Variants in LINGO2 observed in about 807,000 individuals in gnomAD.
The protein encoded by LINGO2 is leucine-rich repeat and immunoglobulin-like domain-containing nogo receptor-interacting protein 2.
Under a neutral mutation model 30.6 loss-of-function variants are expected in LINGO2, and 14 were observed. That is an observed-to-expected ratio of 0.46 (90% CI 0.30 to 0.72). LINGO2 has a LOEUF of 0.72. Among genes scored for constraint, LINGO2 ranks in the 30% least tolerant of loss-of-function variants. The probability of loss-of-function intolerance (pLI) is 0.07; values close to 1 mark genes in which losing one functional copy is unlikely to be tolerated. For synonymous variants in LINGO2, 317 were observed against 288.5 expected, an observed-to-expected ratio of 1.10 and a Z score of -1.00; for missense variants, 729 against 751.7, an observed-to-expected ratio of 0.97 and a Z score of 0.35.
At chr9:29,159,150 T>A in the LINGO2 span, among the ~76,000 whole-genome samples, 1 of 152,020 alleles carries the variant, frequency 6.6e-6, no homozygotes, top group Non-Finnish European at 1.5e-5. Flanking sequence ...GAAGATGGAG[T>A]TATCTGAGCT....
chr9:28,479,018 T>C (rs932750869), intron 1 of LINGO2, among the ~76,000 whole-genome samples: 3 of 152,076 alleles, frequency 2.0e-5, no homozygotes, highest in Non-Finnish European at 4.4e-5. Flanking sequence ...TGTGTGTTTA[T>C]ATACTTTTAT....
At chr9:29,082,022 C>A in the LINGO2 span, among the ~76,000 whole-genome samples, 1 of 152,190 alleles carries the variant, frequency 6.6e-6, no homozygotes, top group South Asian at 2.1e-4. Context: ...TTTACAGATT[C>A]AATGCCATCC....
chr9:28,246,674 A>G (rs1056436092), intron 4 of LINGO2, among the ~76,000 whole-genome samples: 2 of 152,280 alleles, frequency 1.3e-5, no homozygotes, highest in African/African-American at 4.8e-5. Flanking sequence ...AGGCAATACC[A>G]TTCAGGACAT....
chr9:28,909,103 T>C, the LINGO2 span, among the ~76,000 whole-genome samples: 1 of 151,988 alleles, frequency 6.6e-6, no homozygotes, highest in African/African-American at 2.4e-5. Flanking sequence ...TCTCAAAGCA[T>C]GTCTTTATGA....
chr9:28,973,453 G>A, the LINGO2 span, among the ~76,000 whole-genome samples: 2 of 152,144 alleles, frequency 1.3e-5, no homozygotes, highest in East Asian at 1.9e-4. Flanking sequence ...ACAGGGCCAG[G>A]TGGAGATAAT....
At chr9:28,467,040 G>GT (rs1414145156) in intron 2 of LINGO2, among the ~76,000 whole-genome samples, 10 of 150,420 alleles carry the variant, frequency 6.6e-5, no homozygotes, top group Admixed American at 4.0e-4. Flanking sequence ...TTTTTTGGGG[G>GT]GGGGGGACGG....
At chr9:28,721,003 T>C in the LINGO2 span, among the ~76,000 whole-genome samples, 2 of 151,910 alleles carry the variant, frequency 1.3e-5, no homozygotes, top group African/African-American at 4.8e-5. Context: ...CTATTTCCTG[T>C]TAAGATGGAT....
At chr9:28,877,099 TG>T in the LINGO2 span, among the ~76,000 whole-genome samples, 1 of 140,180 alleles carries the variant, frequency 7.1e-6, no homozygotes, top group African/African-American at 3.2e-5. Flanking sequence ...GATGGGGTTG[TG>T]TTTTTTTTTT....
At chr9:28,000,157 T>G (rs1447381504) in intron 5 of LINGO2, among the ~76,000 whole-genome samples, 1 of 152,096 alleles carries the variant, frequency 6.6e-6, no homozygotes, top group Non-Finnish European at 1.5e-5. Context: ...CCGAAGAAGC[T>G]CTATGGAGGG....
chr9:28,087,489 T>G (rs1289469151), intron 4 of LINGO2, among the ~76,000 whole-genome samples: 1 of 152,022 alleles, frequency 6.6e-6, no homozygotes, highest in African/African-American at 2.4e-5. Flanking sequence ...AGAAAATTAT[T>G]TTTCTTTTGA....
chr9:28,402,144 G>A (rs1043720700), intron 2 of LINGO2, among the ~76,000 whole-genome samples: 2 of 152,194 alleles, frequency 1.3e-5, no homozygotes, highest in Non-Finnish European at 2.9e-5. Flanking sequence ...TTAATGTCAT[G>A]CAGCCTGGGA....
At chr9:28,221,731 TG>T (rs1820974065) in intron 4 of LINGO2, among the ~76,000 whole-genome samples, 1 of 152,238 alleles carries the variant, frequency 6.6e-6, no homozygotes, top group Non-Finnish European at 1.5e-5. Context: ...AGAAATGCTC[TG>T]AGTAGATCCC....
At chr9:27,951,769 A>C (rs914243282) in intron 5 of LINGO2, among the ~76,000 whole-genome samples, 1 of 152,206 alleles carries the variant, frequency 6.6e-6, no homozygotes, top group African/African-American at 2.4e-5. Context: ...ATACTTTTAG[A>C]TAAAGAAGTA....
At chr9:28,843,768 A>G in the LINGO2 span, among the ~76,000 whole-genome samples, 1 of 151,752 alleles carries the variant, frequency 6.6e-6, no homozygotes, top group Non-Finnish European at 1.5e-5. Flanking sequence ...TATTCAACCT[A>G]TTAAGTAGGA....
At chr9:28,163,127 A>G (rs929400154) in intron 4 of LINGO2, among the ~76,000 whole-genome samples, 1 of 152,192 alleles carries the variant, frequency 6.6e-6, no homozygotes, top group African/African-American at 2.4e-5. Context: ...AAACAACTCC[A>G]GCAGGAGTGT....
intron 4 of LINGO2, among the ~76,000 whole-genome samples, chr9:28,217,151 T>C (rs1820796273): frequency 6.6e-6 from 1 of 150,484 alleles, no homozygotes; most frequent in South Asian, 2.1e-4. Flanking sequence ...ATACTACATA[T>C]TATATACTGT....
intron 2 of LINGO2, among the ~76,000 whole-genome samples, chr9:28,468,302 T>C (rs1825390458): frequency 6.6e-6 from 1 of 152,178 alleles, no homozygotes; most frequent in African/African-American, 2.4e-5. Flanking sequence ...AAGAGCGAAG[T>C]AGATCATATT....
At chr9:28,088,772 C>T (rs1370729242) in intron 4 of LINGO2, among the ~76,000 whole-genome samples, 7 of 151,968 alleles carry the variant, frequency 4.6e-5, no homozygotes, top group Non-Finnish European at 7.4e-5. Context: ...GACTGACAAA[C>T]TGGATAAAGA....
the LINGO2 span, among the ~76,000 whole-genome samples, chr9:29,205,287 C>T: frequency 2.6e-5 from 4 of 152,154 alleles, no homozygotes; most frequent in Non-Finnish European, 4.4e-5. Context: ...TATCCACCCA[C>T]CACGGCCTCC....
Sources: allele counts gnomAD v4.1 joint callset (sites outside exome capture counted in the v4.1 genomes callset), GRCh38; gene constraint gnomAD v4.1.1; transcripts MANE v1.5; gene names NCBI Gene and HGNC (gene_info 2026-07-23, HGNC 2026-07-21).